QKI: variants seen among roughly 807,000 people sequenced by gnomAD.
QKI encodes QKI, KH domain containing RNA binding, also known as KH domain-containing RNA-binding protein QKI.
QKI carries 10 observed loss-of-function variants against 39.0 expected under a neutral mutation model. The observed-to-expected ratio is 0.26, with a 90% confidence interval of 0.16 to 0.43. The LOEUF is 0.43. Ranked by LOEUF, QKI falls within the 20% of genes least tolerant of loss-of-function variation. The pLI is 1.00. For synonymous variants in QKI, 204 were observed against 155.4 expected (o/e 1.31, Z -2.33); for missense variants, 218 against 428.0 (o/e 0.51, Z 4.33).
At chr6:163,533,078 A>G (rs1780963514) in intron 3 of QKI, among the ~76,000 whole-genome samples, 1 of 152,074 alleles carries the variant, frequency 6.6e-6, no homozygotes, top group Non-Finnish European at 1.5e-5. Context: ...TTAGTCAAAT[A>G]GGTGCACTTT....
chr6:163,567,357 A>G (rs925988224), intron 7 of QKI: 1 of 984,958 alleles, frequency 1.0e-6, no homozygotes, highest in African/African-American at 1.8e-5. Context: ...GATAACTTTC[A>G]TGTAGTTGGA....
At chr6:163,568,478 G>A in intron 7 of QKI, 2 of 985,620 alleles carry the variant, frequency 2.0e-6, no homozygotes, top group Non-Finnish European at 2.4e-6. Context: ...TTAAAATGCA[G>A]TGTCAGCAAA....
chr6:163,497,475 TTTAAC>T (rs1778483192), intron 3 of QKI, among the ~76,000 whole-genome samples: 1 of 152,118 alleles, frequency 6.6e-6, no homozygotes, highest in African/African-American at 2.4e-5. Flanking sequence ...GCAAATTTTT[TTTAAC>T]TTATTAAAGA....
At chr6:163,519,219 C>T (rs1197851687) in intron 3 of QKI, among the ~76,000 whole-genome samples, 2 of 152,062 alleles carry the variant, frequency 1.3e-5, no homozygotes, top group Non-Finnish European at 2.9e-5. Context: ...AAGTGCTGGG[C>T]AGGAATCCTA....
In QKI at chr6:163,577,839, G is replaced by A. The variant is rs1425825453; in HGVS notation, c.*7129G>A. 2 of 152,260 alleles carry A rather than the reference G, an allele frequency of 1.3e-5. No individual in the cohort carries two copies. The highest frequency in any genetic ancestry group is 4.2e-4 in the South Asian group (2 of 4,816). The allele number at this position is 152,260 out of a possible 1,614,324, so 9.4% of individuals were successfully genotyped here. A position where few individuals can be genotyped will look rare whatever the true frequency, so the allele number is the denominator to read the frequency against. On this transcript the variant is annotated 3_prime_UTR_variant, in exon 8 of 8. Coordinates refer to ENST00000361752, the MANE Select transcript of QKI (RefSeq NM_006775.3). ...TGCACATTGTGTTCTTATGTTTACA[G>A]AAGTGCTTAAGTGAATGGAAGCACT...
chr6:163,468,029 GAC>G (rs1023296432), intron 2 of QKI, among the ~76,000 whole-genome samples: 8 of 152,220 alleles, frequency 5.3e-5, no homozygotes, highest in Non-Finnish European at 1.0e-4. Flanking sequence ...TTAATATATA[GAC>G]ACAACTCTTC....
At chr6:163,482,895 C>G (rs1793185495) in intron 3 of QKI, among the ~76,000 whole-genome samples, 1 of 152,122 alleles carries the variant, frequency 6.6e-6, no homozygotes, top group African/African-American at 2.4e-5. Context: ...TTTCTCCCTT[C>G]CTTAGAGGTT....
At chr6:163,458,047 C>T (rs1281903553) in intron 2 of QKI, among the ~76,000 whole-genome samples, 2 of 152,094 alleles carry the variant, frequency 1.3e-5, no homozygotes, top group Non-Finnish European at 2.9e-5. Flanking sequence ...GTACAGCTGA[C>T]TCAGGCAGGA....
intron 3 of QKI, among the ~76,000 whole-genome samples, chr6:163,481,392 G>A (rs1377022660): frequency 6.6e-6 from 1 of 152,220 alleles, no homozygotes; most frequent in African/African-American, 2.4e-5. Flanking sequence ...CTCAGTGAGA[G>A]CCTACCATGG....
chr6:163,474,023 TTTGAAG>T lies in QKI; in HGVS notation c.286-4747_286-4742del, dbSNP rs560990178. On this transcript the variant is annotated intron_variant, in intron 2 of 7. Coordinates refer to ENST00000361752, the MANE Select transcript of QKI (RefSeq NM_006775.3). ...AGTTGAAATTGAATTTGAAATTAAA[TTTGAAG>T]TTGAAGTTGGTTAACATTTGCAGTT... Among the ~76,000 whole-genome samples, 147 of 152,300 alleles carry T rather than the reference TTTGAAG, an allele frequency of 9.7e-4. 1 individual carries two copies. Among genetic ancestry groups the T allele is most frequent in the African/African-American group, 3.4e-3 (142 of 41,560 alleles).
intron 4 of QKI, among the ~76,000 whole-genome samples, chr6:163,546,210 G>A (rs75250623): frequency 0.028 from 4,214 of 151,298 alleles, 192 homozygotes; most frequent in African/African-American, 0.096. Flanking sequence ...AAAAATAGGC[G>A]AGTGATTTCT....
chr6:163,448,518 A>G (rs555117374), intron 1 of QKI, among the ~76,000 whole-genome samples: 1 of 152,174 alleles, frequency 6.6e-6, no homozygotes, highest in African/African-American at 2.4e-5. Context: ...ACCTGAGGTC[A>G]GGAGTTCGAG....
intron 1 of QKI, among the ~76,000 whole-genome samples, chr6:163,425,402 T>G (rs1788331014): frequency 6.6e-6 from 1 of 152,224 alleles, no homozygotes; most frequent in Non-Finnish European, 1.5e-5. Flanking sequence ...GAATACATAG[T>G]CTGAATTTTA....
chr6:163,566,973 T>G (rs1783401601), intron 7 of QKI, 178 bp downstream of exon 7: 1 of 1,375,000 alleles, frequency 7.3e-7, no homozygotes, highest in African/African-American at 1.5e-5. Flanking sequence ...TTTGGTTTGG[T>G]TTTTTCTCCC....
chr6:163,483,798 G>C (rs902061597), intron 3 of QKI, among the ~76,000 whole-genome samples: 4 of 152,172 alleles, frequency 2.6e-5, no homozygotes, highest in African/African-American at 9.7e-5. Context: ...CATGAATCAT[G>C]AATGTTCTTA....
At chr6:163,567,350 A>G (rs1400589177) in intron 7 of QKI, 2 of 985,314 alleles carry the variant, frequency 2.0e-6, no homozygotes, top group Non-Finnish European at 2.4e-6. Context: ...CTGTGAAGAT[A>G]ACTTTCATGT....
At chr6:163,551,045 A>T (rs1782207100) in intron 4 of QKI, among the ~76,000 whole-genome samples, 2 of 152,104 alleles carry the variant, frequency 1.3e-5, no homozygotes, top group Admixed American at 1.3e-4. Context: ...TAATTCATTG[A>T]TTCCTGATTC....
intron 1 of QKI, among the ~76,000 whole-genome samples, chr6:163,426,815 G>C (rs1788440969): frequency 6.6e-6 from 1 of 152,164 alleles, no homozygotes; most frequent in African/African-American, 2.4e-5. Flanking sequence ...GTGTTGGTTT[G>C]CTAGTTGCTT....
Position 163,561,968 on chromosome 6 carries a change from T to G in QKI, c.547-14T>G. The G allele has an allele frequency of 6.2e-7, 1 of 1,607,438 alleles. No homozygotes were observed. Among genetic ancestry groups the G allele is most frequent in the East Asian group, 2.2e-5 (1 of 44,760 alleles). On this transcript the variant is annotated splice_polypyrimidine_tract_variant and intron_variant, in intron 4 of 7. Transcript: ENST00000361752. The stretch of plus-strand genomic sequence containing the variant: ...GTCTCAAATGCTTTCATCTCATGTG[T>G]TTTCCATGTATAGGCAGAAGGAGAA...
Sources: allele counts gnomAD v4.1 joint callset (sites outside exome capture counted in the v4.1 genomes callset), GRCh38; gene constraint gnomAD v4.1.1; transcripts MANE v1.5; gene names NCBI Gene and HGNC (gene_info 2026-07-23, HGNC 2026-07-21).